WDFY3: variants seen among roughly 807,000 people sequenced by gnomAD.
The protein encoded by WDFY3 is WD repeat and FYVE domain-containing protein 3.
Under a neutral mutation model 409.6 loss-of-function variants are expected in WDFY3, and 66 were observed. The ratio of observed to expected loss-of-function variants is 0.16; its 90% CI spans 0.13 to 0.20. WDFY3 has a LOEUF of 0.20. Ranked by LOEUF, WDFY3 falls within the 10% of genes least tolerant of loss-of-function variation. WDFY3 has a pLI of 1.00. For missense variants in WDFY3, 3,031 were observed against 4,298.1 expected (o/e 0.71, Z 8.24); for synonymous variants, 1,521 against 1,537.1 (o/e 0.99, Z 0.25).
At chr4:84,800,534 G>A (rs1750330847) in intron 17 of WDFY3, among the ~76,000 whole-genome samples, 1 of 152,166 alleles carries the variant, frequency 6.6e-6, no homozygotes. Flanking sequence ...ACTGATACAT[G>A]TAACAACTTG....
intron 47 of WDFY3, among the ~76,000 whole-genome samples, chr4:84,719,686 CACAT>C (rs1734527381): frequency 6.6e-6 from 1 of 152,002 alleles, no homozygotes; most frequent in African/African-American, 2.4e-5. Flanking sequence ...TATATATAAA[CACAT>C]ACATATACAC....
At chr4:84,706,019 G>T (rs1578194778) in intron 53 of WDFY3, among the ~76,000 whole-genome samples, 1 of 147,440 alleles carries the variant, frequency 6.8e-6, no homozygotes, top group Non-Finnish European at 1.5e-5. Context: ...AGAACACTCA[G>T]TAATTCTTTC....
chr4:84,757,413 G>A (rs1741654937), intron 32 of WDFY3, among the ~76,000 whole-genome samples: 1 of 152,110 alleles, frequency 6.6e-6, no homozygotes, highest in African/African-American at 2.4e-5. Flanking sequence ...AAGATACAAG[G>A]GAGTTTGAAA....
intron 7 of WDFY3, among the ~76,000 whole-genome samples, chr4:84,834,155 T>C (rs1756209135): frequency 6.6e-6 from 1 of 152,178 alleles, no homozygotes; most frequent in Non-Finnish European, 1.5e-5. Context: ...AGTTTTCCAA[T>C]TTGGTACATA....
In WDFY3 at chr4:84,672,764, G is replaced by T; in HGVS notation, c.*104C>A. ...TTTTAACACTTCAAACACGTGGTAT[G>T]AAGAGATGTGTAAACGGAGACTGTT... On this transcript the variant is annotated 3_prime_UTR_variant, in exon 68 of 68. Coordinates refer to ENST00000295888, the MANE Select transcript of WDFY3 (RefSeq NM_014991.6). The T allele has an allele frequency of 6.7e-7, 1 of 1,490,462 alleles. No individual in the cohort carries two copies. 92.3% of individuals were successfully genotyped at this position (1,490,462 alleles called of 1,614,324 possible).
intron 1 of WDFY3, among the ~76,000 whole-genome samples, chr4:84,949,796 G>A (rs1369147289): frequency 2.6e-5 from 4 of 151,980 alleles, no homozygotes; most frequent in Admixed American, 2.0e-4. Context: ...CCAAGTAGTC[G>A]AAAACTCAAG....
At chr4:84,871,405 T>C (rs185713270) in intron 3 of WDFY3, among the ~76,000 whole-genome samples, 1 of 152,250 alleles carries the variant, frequency 6.6e-6, no homozygotes, top group African/African-American at 2.4e-5. Context: ...TTCCTAGGCA[T>C]TCTATATCTA....
chr4:84,778,493 A>C lies in WDFY3; in HGVS notation c.4518+10T>G. On this transcript the variant is annotated intron_variant, in intron 27 of 67. Transcript: ENST00000295888. The stretch of plus-strand genomic sequence containing the variant: ...TGATTATATATTATCAATTATGCTT[A>C]TATACATACTTCAAAATCACAGAGG... 6.3e-7 allele frequency: 1 copy of C among 1,590,602 alleles called. No homozygotes were observed. The highest frequency in any genetic ancestry group is 8.5e-7 in the Non-Finnish European group (1 of 1,171,706).
At chr4:84,761,407 G>A (rs1284339531) in intron 32 of WDFY3, among the ~76,000 whole-genome samples, 1 of 152,140 alleles carries the variant, frequency 6.6e-6, no homozygotes, top group African/African-American at 2.4e-5. Context: ...ACAGTGGGGT[G>A]TTAAAGTCTC....
intron 7 of WDFY3, 26 bp downstream of exon 7, chr4:84,836,903 A>C: frequency 6.8e-7 from 1 of 1,464,796 alleles, no homozygotes; most frequent in African/African-American, 1.4e-5. Flanking sequence ...AATAGGGTGG[A>C]GGTAGGCAAA....
In WDFY3 at chr4:84,837,077, C is replaced by T; in HGVS notation, c.428G>A (p.Cys143Tyr). ...LASSGQKTVD[C>Y]MTTMSVPSTL... ...GGAAGGCACTGACATTGTTGTCATG[C>T]AGTCCACGGTTTTCTGGAAAACAAG... is the stretch of plus-strand genomic sequence containing the variant. Residue 143 changes from cysteine (C) to tyrosine (Y), a missense_variant, in exon 7 of 68, where the codon TGC becomes TAC. By Grantham distance (194) the Cys-to-Tyr change is radical. This residue lies in a region of WDFY3 where 1,322 missense variants were observed against 1,697.9 expected (regional missense o/e 0.78). Coordinates refer to ENST00000295888, the MANE Select transcript of WDFY3 (RefSeq NM_014991.6). 6.5e-7 allele frequency: 1 copy of T among 1,543,562 alleles called. No individual in the cohort carries two copies. The highest frequency in any genetic ancestry group is 8.7e-7 in the Non-Finnish European group (1 of 1,143,196).
At chr4:84,712,314 A>G (rs566581499) in intron 51 of WDFY3, among the ~76,000 whole-genome samples, 1 of 150,704 alleles carries the variant, frequency 6.6e-6, no homozygotes, top group African/African-American at 2.4e-5. Context: ...GTGAGCCAAG[A>G]TCACACCATT....
intron 8 of WDFY3, 27 bp downstream of exon 8, chr4:84,831,386 C>T (rs1479101994): frequency 5.6e-6 from 8 of 1,429,660 alleles, no homozygotes; most frequent in Non-Finnish European, 7.4e-6. Flanking sequence ...AAATTTAGAA[C>T]ACTTAAATAT....
intron 2 of WDFY3, among the ~76,000 whole-genome samples, chr4:84,922,631 C>A (rs897591061): frequency 6.6e-6 from 1 of 151,318 alleles, no homozygotes; most frequent in African/African-American, 2.4e-5. Context: ...AATCTTATTG[C>A]TTTTACCGAG....
intron 14 of WDFY3, 69 bp downstream of exon 14, chr4:84,809,818 T>C: frequency 7.2e-7 from 1 of 1,382,278 alleles, no homozygotes; most frequent in Middle Eastern, 1.8e-4. Flanking sequence ...TAACTCATAA[T>C]TCAAGTCTTA....
intron 2 of WDFY3, among the ~76,000 whole-genome samples, chr4:84,915,031 T>C (rs372264380): frequency 2.0e-5 from 3 of 152,312 alleles, no homozygotes; most frequent in East Asian, 1.9e-4. Flanking sequence ...ACAACATACA[T>C]GAACCTTGAA....
At chr4:84,716,155 T>C (rs1214731160) in intron 49 of WDFY3, among the ~76,000 whole-genome samples, 10 of 152,198 alleles carry the variant, frequency 6.6e-5, no homozygotes, top group Admixed American at 1.3e-4. Context: ...ATGCAGATCC[T>C]GGCCAGCCAC....
intron 2 of WDFY3, among the ~76,000 whole-genome samples, chr4:84,919,810 C>G (rs1460579776): frequency 6.6e-6 from 1 of 152,142 alleles, no homozygotes; most frequent in Non-Finnish European, 1.5e-5. Context: ...TTATAAATCA[C>G]CCAGTCTCAG....
chr4:84,740,489 C>A, intron 38 of WDFY3, 73 bp from the exon 39 acceptor site: 1 of 1,450,872 alleles, frequency 6.9e-7, no homozygotes, highest in Middle Eastern at 1.8e-4. Context: ...CATACATGAA[C>A]TTTTATTAGG....
Sources: gnomAD v4.1 joint callset for allele counts (sites outside exome capture counted in the v4.1 genomes callset) on GRCh38, gnomAD v4.1.1 for gene constraint, gnomAD v4.1.1 regional missense constraint, MANE v1.5 for transcripts, NCBI Gene and HGNC (gene_info 2026-07-23, HGNC 2026-07-21) for gene names.